Variants in NACC2 observed in about 807,000 individuals in gnomAD.
NACC2 encodes NACC family member 2.
NACC2 carries 8 observed loss-of-function variants against 25.1 expected under a neutral mutation model. That is an observed-to-expected ratio of 0.32 (90% CI 0.19 to 0.57). The LOEUF is 0.57. Ranked by LOEUF, NACC2 falls within the 20% of genes least tolerant of loss-of-function variation. The pLI is 0.89. For synonymous variants in NACC2, 435 were observed against 294.7 expected, an observed-to-expected ratio of 1.48 and a Z score of -4.88; for missense variants, 644 against 650.2, an observed-to-expected ratio of 0.99 and a Z score of 0.10.
At chr9:136,091,843 CCAA>C (rs1830436713) in intron 1 of NACC2, among the ~76,000 whole-genome samples, 1 of 148,892 alleles carries the variant, frequency 6.7e-6, no homozygotes, top group Non-Finnish European at 1.5e-5. Context: ...AAAAAAAAAA[CCAA>C]CAACAACAAC....
chr9:136,008,238 C>G lies in NACC2; in HGVS notation c.*3278G>C, dbSNP rs530845699. 1 of 152,322 alleles carries G rather than the reference C, an allele frequency of 6.6e-6. No individual in the cohort carries two copies. The highest frequency in any genetic ancestry group is 1.9e-4 in the East Asian group (1 of 5,184). The allele number at this position is 152,322 out of a possible 1,614,324, so 9.4% of individuals were successfully genotyped here. A position where few individuals can be genotyped will look rare whatever the true frequency, so the allele number is the denominator to read the frequency against. ...AGGCACCCAGCCAGGCGCGGCCCGC[C>G]GGGCTCACAGTATCTGTCACACCTC... On this transcript the variant is annotated 3_prime_UTR_variant, in exon 6 of 6. Transcript: ENST00000277554.
chr9:136,028,545 C>T (rs1840430172), intron 2 of NACC2, among the ~76,000 whole-genome samples: 1 of 152,164 alleles, frequency 6.6e-6, no homozygotes, highest in Admixed American at 6.5e-5. Context: ...CCCGTCTGGA[C>T]CAGCCACTGC....
At chr9:136,088,527 C>T (rs989678618) in intron 1 of NACC2, among the ~76,000 whole-genome samples, 48 of 152,188 alleles carry the variant, frequency 3.2e-4, no homozygotes, top group African/African-American at 1.1e-3. Context: ...TGGCCAGGGA[C>T]TCTTTCTCGG....
intron 1 of NACC2, among the ~76,000 whole-genome samples, chr9:136,069,330 C>T (rs1465983867): frequency 6.8e-6 from 1 of 146,556 alleles, no homozygotes; most frequent in Non-Finnish European, 1.5e-5. Context: ...GTGGATCTCA[C>T]CTGAGGTCAG....
intron 2 of NACC2, among the ~76,000 whole-genome samples, chr9:136,041,001 A>AGAAAGGAAGGAAG (rs60185301): frequency 0.8 from 110,639 of 138,930 alleles, 44,718 homozygotes; most frequent in Non-Finnish European, 0.86. Context: ...AAGGAAGGAA[A>AGAAAGGAAGGAAG]GAAAGGAAGG....
intron 1 of NACC2, among the ~76,000 whole-genome samples, chr9:136,051,194 G>C (rs1401279218): frequency 6.6e-6 from 1 of 152,192 alleles, no homozygotes; most frequent in Non-Finnish European, 1.5e-5. Flanking sequence ...GGGGGTGCCG[G>C]GAAGTCCGCT....
intron 1 of NACC2, among the ~76,000 whole-genome samples, chr9:136,080,550 C>T (rs939637013): frequency 5.3e-5 from 8 of 152,044 alleles, no homozygotes; most frequent in South Asian, 2.1e-4. Flanking sequence ...GCCTGGGTAA[C>T]AACAGCGAAA....
At chr9:136,081,194 G>A (rs1830319992) in intron 1 of NACC2, among the ~76,000 whole-genome samples, 2 of 152,212 alleles carry the variant, frequency 1.3e-5, no homozygotes. Flanking sequence ...CAGCCACCCA[G>A]GCCGCTGGAA....
chr9:136,081,894 C>T (rs1830328140), intron 1 of NACC2, among the ~76,000 whole-genome samples: 1 of 151,936 alleles, frequency 6.6e-6, no homozygotes, highest in Admixed American at 6.5e-5. Context: ...TGTCTTTGCA[C>T]CGCTTCTCGC....
At chr9:136,094,275 G>T (rs1385233256) in intron 1 of NACC2, among the ~76,000 whole-genome samples, 4 of 152,174 alleles carry the variant, frequency 2.6e-5, no homozygotes, top group Non-Finnish European at 5.9e-5. Context: ...GAACGGCCTG[G>T]GAGGCCAACT....
At chr9:136,059,345 G>A (rs913474487) in intron 1 of NACC2, among the ~76,000 whole-genome samples, 7 of 152,206 alleles carry the variant, frequency 4.6e-5, no homozygotes, top group Non-Finnish European at 8.8e-5. Flanking sequence ...CCCATCCGGA[G>A]CAGGGCCCTA....
At chr9:136,069,409 C>T (rs546077341) in intron 1 of NACC2, among the ~76,000 whole-genome samples, 8 of 151,248 alleles carry the variant, frequency 5.3e-5, no homozygotes, top group South Asian at 4.2e-4. Context: ...ATTAGCCGGG[C>T]GTGGTGGCAG....
At position 136,011,278 on chromosome 9, in the gene NACC2, AT is replaced by A; in HGVS notation, c.*237del. 2.8e-6 allele frequency: 1 copy of A among 353,604 alleles called. No homozygotes were observed. The highest frequency in any genetic ancestry group is 4.9e-6 in the Non-Finnish European group (1 of 205,846). 21.9% of individuals were successfully genotyped at this position (353,604 alleles called of 1,614,324 possible). Reference sequence around the variant, plus strand: ...ACACTTGGAGGCTGACCTTGTGAATATCAAAAGGGAGCCCTGGGAACTTCCT... The same window carrying A: ...ACACTTGGAGGCTGACCTTGTGAATACAAAAGGGAGCCCTGGGAACTTCCT... On this transcript the variant is annotated 3_prime_UTR_variant, in exon 6 of 6. Transcript: ENST00000277554.
At chr9:136,037,264 C>T (rs1261104125) in intron 2 of NACC2, among the ~76,000 whole-genome samples, 1 of 152,072 alleles carries the variant, frequency 6.6e-6, no homozygotes, top group Non-Finnish European at 1.5e-5. Flanking sequence ...CTCACTCTTG[C>T]CCAGGCTGGA....
chr9:136,045,706 C>T (rs1428273245), intron 2 of NACC2, among the ~76,000 whole-genome samples: 4 of 152,156 alleles, frequency 2.6e-5, no homozygotes, highest in African/African-American at 7.2e-5. Context: ...CACAGGTGCC[C>T]GTCCTCAGCT....
At chr9:136,081,047 G>A (rs72773720) in intron 1 of NACC2, among the ~76,000 whole-genome samples, 4,682 of 152,200 alleles carry the variant, frequency 0.031, 109 homozygotes, top group Admixed American at 0.058. Flanking sequence ...AGAACCCCAC[G>A]GGCCCAGGGT....
Position 136,049,829 on chromosome 9 carries a change from G to A in NACC2, c.693C>T (p.Thr231=). ...VSYYGVPSLA[T]LIPGIQQMPY... ...GCATCTGCTGGATGCCGGGGATGAG[G>A]GTGGCCAGGCTGGGCACCCCGTAGT... Residue 231 remains threonine, a synonymous_variant, in exon 2 of 6, where the codon ACC becomes ACT. Coordinates refer to ENST00000277554, the MANE Select transcript of NACC2 (RefSeq NM_144653.5). The A allele has an allele frequency of 1.4e-6, 1 of 724,684 alleles. No individual in the cohort carries two copies. Among genetic ancestry groups the A allele is most frequent in the Non-Finnish European group, 2.6e-6 (1 of 388,696 alleles). The allele number at this position is 724,684 out of a possible 1,614,324, so 44.9% of individuals were successfully genotyped here.
intron 2 of NACC2, among the ~76,000 whole-genome samples, chr9:136,025,823 G>A (rs1183043469): frequency 6.6e-6 from 1 of 151,904 alleles, no homozygotes; most frequent in African/African-American, 2.4e-5. Flanking sequence ...GTGGAGGCAG[G>A]AGAATCGCTT....
intron 2 of NACC2, among the ~76,000 whole-genome samples, chr9:136,032,182 A>G (rs927850005): frequency 6.6e-6 from 1 of 152,238 alleles, no homozygotes; most frequent in Non-Finnish European, 1.5e-5. Context: ...AAGGAATATC[A>G]GCGAGCTGCA....
Sources: allele counts gnomAD v4.1 joint callset (sites outside exome capture counted in the v4.1 genomes callset), GRCh38; gene constraint gnomAD v4.1.1; transcripts MANE v1.5; gene names NCBI Gene and HGNC (gene_info 2026-07-23, HGNC 2026-07-21).